Variants in FRMD7 observed in about 807,000 individuals in gnomAD.
FRMD7 encodes FERM domain containing 7, also known as FERM domain-containing protein 7.
Under a neutral mutation model 44.1 loss-of-function variants are expected in FRMD7, and 14 were observed. The observed-to-expected ratio is 0.32, with a 90% CI of 0.21 to 0.50. The LOEUF is 0.50. FRMD7 is among the 20% of genes least tolerant of loss of function. The probability of loss-of-function intolerance (pLI) is 0.99; values close to 1 mark genes in which losing one functional copy is unlikely to be tolerated. For synonymous variants in FRMD7, 212 were observed against 187.4 expected (o/e 1.13, Z -1.07); for missense variants, 501 against 522.3 (o/e 0.96, Z 0.40).
intron 1 of FRMD7, among the ~76,000 whole-genome samples, chrX:132,104,543 A>G (rs1385962925): frequency 9.0e-6 from 1 of 111,104 alleles, no homozygotes; most frequent in Non-Finnish European, 1.9e-5. Flanking sequence ...AATACAAAAA[A>G]TTAGCTGTGC....
At chrX:132,108,278 G>A (rs761400942) in intron 1 of FRMD7, among the ~76,000 whole-genome samples, 1 of 111,927 alleles carries the variant, frequency 8.9e-6, no homozygotes, top group South Asian at 3.7e-4. Flanking sequence ...TGAGCATGGA[G>A]TTTCTTTTGG....
chrX:132,090,121 T>C (rs770780654), intron 5 of FRMD7, among the ~76,000 whole-genome samples: 1 of 112,003 alleles, frequency 8.9e-6, no homozygotes, highest in Admixed American at 9.4e-5. Context: ...CTCACTCCTG[T>C]AATCCCAAGC....
chrX:132,107,250 A>G (rs1052895378), intron 1 of FRMD7, among the ~76,000 whole-genome samples: 1 of 112,087 alleles, frequency 8.9e-6, no homozygotes, highest in African/African-American at 3.2e-5. Flanking sequence ...GCATAGTGTC[A>G]TACAAAATGT....
At chrX:132,101,020 C>T (rs1025272937) in intron 1 of FRMD7, among the ~76,000 whole-genome samples, 2 of 111,861 alleles carry the variant, frequency 1.8e-5, no homozygotes, top group African/African-American at 6.5e-5. Flanking sequence ...TGAATCAGTT[C>T]ATCCCATGGG....
chrX:132,108,864 G>A (rs1928709815), intron 1 of FRMD7, among the ~76,000 whole-genome samples: 1 of 111,216 alleles, frequency 9.0e-6, no homozygotes, highest in African/African-American at 3.3e-5. Context: ...TCTCTCTCCT[G>A]TAGCCCTGTG....
chrX:132,082,101 G>A (rs190703630), intron 9 of FRMD7, among the ~76,000 whole-genome samples: 2 of 112,192 alleles, frequency 1.8e-5, no homozygotes. Context: ...TATAGAACAT[G>A]TATTCTCAAA....
intron 3 of FRMD7, 37 bp from the exon 4 acceptor site, chrX:132,097,381 G>A: frequency 1.2e-6 from 1 of 813,863 alleles, no homozygotes; most frequent in Non-Finnish European, 1.9e-6. Context: ...TTATTTAAAT[G>A]TCCATCACAA....
intron 1 of FRMD7, among the ~76,000 whole-genome samples, chrX:132,116,402 T>G (rs1928898660): frequency 8.9e-6 from 1 of 111,994 alleles, no homozygotes; most frequent in African/African-American, 3.3e-5. Flanking sequence ...TCCATTTCTC[T>G]GAACCGTTTC....
In FRMD7 at chrX:132,094,029, A is replaced by G; in HGVS notation, c.382+13T>C. The G allele has an allele frequency of 9.4e-7, 1 of 1,059,889 alleles. No homozygotes were observed. The highest frequency in any genetic ancestry group is 2.5e-4 in the Middle Eastern group (1 of 4,081). 87.3% of individuals were successfully genotyped at this position (1,059,889 alleles called of 1,213,427 possible). On this transcript the variant is annotated intron_variant, in intron 5 of 11. Coordinates refer to ENST00000298542, the MANE Select transcript of FRMD7 (RefSeq NM_194277.3). The stretch of plus-strand genomic sequence containing the variant: ...CTGATAGGTCCCAAAGCAGACAGAC[A>G]TTTGCTACTTACATTGTAAGATGTG...
At chrX:132,121,149 G>A (rs758226888) in intron 1 of FRMD7, among the ~76,000 whole-genome samples, 4 of 111,459 alleles carry the variant, frequency 3.6e-5, no homozygotes, top group African/African-American at 6.5e-5. Flanking sequence ...ATCTGCTAGA[G>A]GATACATCAT....
At chrX:132,108,960 A>T (rs917481318) in intron 1 of FRMD7, among the ~76,000 whole-genome samples, 2 of 111,812 alleles carry the variant, frequency 1.8e-5, no homozygotes, top group Non-Finnish European at 3.8e-5. Flanking sequence ...TCTTTAAACA[A>T]ATGTAAATTG....
rs1385824924 is a variant in FRMD7, at chrX:132,077,776, A to G, written c.*96T>C. ...TGAGATTTCCTTAATACCAATGAATATGTAGTAACCAAGAAAATGGTTTCT... is the reference window on the plus strand; with the variant it reads ...TGAGATTTCCTTAATACCAATGAATGTGTAGTAACCAAGAAAATGGTTTCT... On this transcript the variant is annotated 3_prime_UTR_variant, in exon 12 of 12. Transcript: ENST00000298542. The G allele has an allele frequency of 8.7e-7, 1 of 1,147,203 alleles. No homozygotes were observed. Among genetic ancestry groups the G allele is most frequent in the East Asian group, 3.0e-5 (1 of 33,096 alleles). 94.5% of individuals were successfully genotyped at this position (1,147,203 alleles called of 1,213,427 possible).
intron 5 of FRMD7, among the ~76,000 whole-genome samples, chrX:132,093,746 T>TTAGCCCAAAC (rs1350481831): frequency 8.9e-6 from 1 of 112,189 alleles, no homozygotes; most frequent in Non-Finnish European, 1.9e-5. Context: ...CATGCCCAAA[T>TTAGCCCAAAC]TAGCCCAAAC....
rs189784666 is a variant in FRMD7, at chrX:132,103,258, G to A, written c.58-2542C>T. Among the ~76,000 whole-genome samples, 241 of 111,749 alleles carry A rather than the reference G, an allele frequency of 2.2e-3. 1 individual carries two copies. The highest frequency in any genetic ancestry group is 7.4e-3 in the African/African-American group (229 of 30,793). On this transcript the variant is annotated intron_variant, in intron 1 of 11. Coordinates refer to ENST00000298542, the MANE Select transcript of FRMD7 (RefSeq NM_194277.3). ...TTTTGGTGTTATGTTTCTCTTTCTT[G>A]TAATACTGCCTTATATACAAGCTTC... is the stretch of plus-strand genomic sequence containing the variant.
At chrX:132,082,695 G>A (rs1927857896) in intron 8 of FRMD7, among the ~76,000 whole-genome samples, 169 bp from the exon 9 acceptor site, 1 of 111,922 alleles carries the variant, frequency 8.9e-6, no homozygotes, top group Admixed American at 9.5e-5. Flanking sequence ...GCAACCTTGC[G>A]AGGAATAGAC....
At chrX:132,126,350 A>T (rs1929157160) in intron 1 of FRMD7, among the ~76,000 whole-genome samples, 1 of 111,675 alleles carries the variant, frequency 9.0e-6, no homozygotes, top group South Asian at 3.8e-4. Flanking sequence ...TTTCCAAGGA[A>T]CACAATGTGT....
chrX:132,087,073 T>G (rs1229969653), intron 5 of FRMD7, among the ~76,000 whole-genome samples: 2 of 112,366 alleles, frequency 1.8e-5, no homozygotes, highest in Non-Finnish European at 3.8e-5. Context: ...TTTAGGACTA[T>G]GTGCCCTTAA....
chrX:132,117,024 C>A (rs745993839), intron 1 of FRMD7, among the ~76,000 whole-genome samples: 2 of 111,665 alleles, frequency 1.8e-5, no homozygotes, highest in East Asian at 5.6e-4. Context: ...TCACCTCTTT[C>A]CAGTTAGCAC....
intron 9 of FRMD7, among the ~76,000 whole-genome samples, chrX:132,080,597 C>G (rs184325561): frequency 9.0e-6 from 1 of 111,273 alleles, no homozygotes; most frequent in Non-Finnish European, 1.9e-5. Context: ...GAGGATGACT[C>G]GAGCCCAGGA....
Sources: gnomAD v4.1 joint callset for allele counts (sites outside exome capture counted in the v4.1 genomes callset) on GRCh38, gnomAD v4.1.1 for gene constraint, MANE v1.5 for transcripts, NCBI Gene and HGNC (gene_info 2026-07-23, HGNC 2026-07-21) for gene names.